Variants in PLXNA4 observed in about 807,000 individuals in gnomAD.
The protein encoded by PLXNA4 is plexin A4.
PLXNA4 carries 44 observed loss-of-function variants against 191.8 expected under a neutral mutation model. The observed-to-expected ratio is 0.23, with a 90% CI of 0.18 to 0.29. The LOEUF (loss-of-function observed/expected upper bound fraction) is 0.29. Among genes scored for constraint, PLXNA4 ranks in the 10% least tolerant of loss-of-function variants. PLXNA4 has a pLI of 1.00. For missense variants in PLXNA4, 1,800 were observed against 2,488.8 expected, an observed-to-expected ratio of 0.72 and a Z score of 5.89; for synonymous variants, 1,082 against 1,009.5, an observed-to-expected ratio of 1.07 and a Z score of -1.36.
intron 3 of PLXNA4, among the ~76,000 whole-genome samples, chr7:132,307,339 C>T (rs978263029): frequency 2.0e-5 from 3 of 152,118 alleles, no homozygotes; most frequent in African/African-American, 4.8e-5. Flanking sequence ...CTGTGTCCTG[C>T]GTTCATTTAT....
At chr7:132,383,828 A>G (rs1299385339) in intron 3 of PLXNA4, 1 of 985,326 alleles carries the variant, frequency 1.0e-6, no homozygotes, top group Admixed American at 6.1e-5. Flanking sequence ...AAATATTTAC[A>G]CATTGTTTTG....
Position 132,130,565 on chromosome 7 carries a change from G to A in PLXNA4, c.5599C>T (p.Pro1867Ser), listed in dbSNP as rs753346890. The A allele has an allele frequency of 2.5e-6, 4 of 1,614,106 alleles. No homozygotes were observed. In the East Asian group the frequency reaches 8.9e-5, roughly 36 times the overall value. The change falls in exon 32 of 32, where the codon CCT (proline) becomes TCT (serine). Residue 1867 changes from proline (P) to serine (S), a missense_variant. Around this residue, in one of 6 missense-constraint regions of PLXNA4, gnomAD observed 83 missense variants for 81.6 expected, o/e 1.02. Transcript: ENST00000321063. ...CCACACTGGTCATCGTGGTCCAGAGGTCCAAGGATCTGCGGAAGGGCCAAG... is the reference window on the plus strand; with the variant it reads ...CCACACTGGTCATCGTGGTCCAGAGATCCAAGGATCTGCGGAAGGGCCAAG... ...VGKYSEEILG[P>S]LDHDDQCGKQ...
chr7:132,493,335 T>C (rs2117555711), intron 2 of PLXNA4, among the ~76,000 whole-genome samples: 1 of 152,246 alleles, frequency 6.6e-6, no homozygotes, highest in Non-Finnish European at 1.5e-5. Context: ...ATACACAAAA[T>C]GTTTGGCCAT....
At chr7:132,259,120 G>A (rs1799531006) in intron 4 of PLXNA4, among the ~76,000 whole-genome samples, 1 of 152,104 alleles carries the variant, frequency 6.6e-6, no homozygotes, top group Admixed American at 6.5e-5. Context: ...ATCCCTAGCA[G>A]ACAGTATTGA....
intron 12 of PLXNA4, 47 bp from the exon 13 acceptor site, chr7:132,198,683 A>G: frequency 1.9e-6 from 3 of 1,602,906 alleles, no homozygotes; most frequent in Admixed American, 3.4e-5. Context: ...AGATACTGCC[A>G]CTCACTTGCT....
intron 1 of PLXNA4, among the ~76,000 whole-genome samples, chr7:132,516,260 A>G (rs909938724): frequency 2.7e-5 from 4 of 148,248 alleles, no homozygotes; most frequent in African/African-American, 9.9e-5. Flanking sequence ...TTATTTATTT[A>G]TTTGTATTTA....
At chr7:132,227,916 C>T (rs1798384916) in intron 6 of PLXNA4, among the ~76,000 whole-genome samples, 1 of 152,132 alleles carries the variant, frequency 6.6e-6, no homozygotes, top group African/African-American at 2.4e-5. Context: ...TGATGGAGCA[C>T]CTCTTCCATT....
chr7:132,492,792 G>A (rs1231234622), intron 2 of PLXNA4, among the ~76,000 whole-genome samples: 1 of 152,182 alleles, frequency 6.6e-6, no homozygotes, highest in Non-Finnish European at 1.5e-5. Context: ...CTATAGAGCG[G>A]GTAAGCTTAT....
intron 3 of PLXNA4, among the ~76,000 whole-genome samples, chr7:132,432,979 A>G (rs1795325301): frequency 6.6e-6 from 1 of 152,154 alleles, no homozygotes; most frequent in Admixed American, 6.5e-5. Context: ...CACCATTGTA[A>G]GTGTTTCTCA....
At chr7:132,431,769 T>C (rs1795272142) in intron 3 of PLXNA4, among the ~76,000 whole-genome samples, 1 of 152,210 alleles carries the variant, frequency 6.6e-6, no homozygotes, top group African/African-American at 2.4e-5. Flanking sequence ...CAGCGCTCCC[T>C]GGCCATGTGA....
intron 1 of PLXNA4, among the ~76,000 whole-genome samples, chr7:132,540,176 A>T (rs968708065): frequency 6.6e-6 from 1 of 152,154 alleles, no homozygotes; most frequent in Non-Finnish European, 1.5e-5. Context: ...ACACTGATCA[A>T]CCCAGAGTTT....
rs58311131 is a variant in PLXNA4 at position 132,365,360 on chromosome 7, T to TGCGCGCGC, written c.1372-67139_1372-67138insGCGCGCGC. ...GTGTGTGTGTGTGTGTGTGTGTGTGTGCGTGCGCGCGCATGCATGGGGCAA... is the reference window on the plus strand; with the variant it reads ...GTGTGTGTGTGTGTGTGTGTGTGTGTGCGCGCGCGCGTGCGCGCGCATGCATGGGGCAA... On this transcript the variant is annotated intron_variant, in intron 3 of 31. Transcript: ENST00000321063. 3.9e-3 allele frequency among the ~76,000 whole-genome samples: 504 copies of TGCGCGCGC among 128,808 alleles called. 2 individuals are homozygous for TGCGCGCGC. Among genetic ancestry groups the TGCGCGCGC allele is most frequent in the South Asian group, 0.018 (74 of 4,114 alleles). The allele number at this position is 128,808 out of a possible 152,430, so 84.5% of individuals were successfully genotyped here. A position where few individuals can be genotyped will look rare whatever the true frequency, so the allele number is the denominator to read the frequency against.
chr7:132,392,275 A>T (rs1261762272), intron 3 of PLXNA4, among the ~76,000 whole-genome samples: 1 of 152,226 alleles, frequency 6.6e-6, no homozygotes, highest in African/African-American at 2.4e-5. Flanking sequence ...ATAAATATTT[A>T]TTACATTAAC....
intron 4 of PLXNA4, among the ~76,000 whole-genome samples, chr7:132,252,348 G>A (rs1420570650): frequency 9.3e-6 from 1 of 107,912 alleles, no homozygotes; most frequent in Non-Finnish European, 1.7e-5. Flanking sequence ...GTCTCACTCT[G>A]TTGCCCAGGC....
At chr7:132,154,407 C>G (rs776696875) in intron 25 of PLXNA4, among the ~76,000 whole-genome samples, 46 of 82,448 alleles carry the variant, frequency 5.6e-4, no homozygotes, top group Non-Finnish European at 1.1e-3. Context: ...CATCTAAAAA[C>G]GTTCTGTTTT....
At chr7:132,282,600 C>A (rs1390564961) in intron 4 of PLXNA4, among the ~76,000 whole-genome samples, 1 of 98,108 alleles carries the variant, frequency 1.0e-5, no homozygotes, top group Non-Finnish European at 1.9e-5. Context: ...TAGAGCCAGA[C>A]CTTGTCTCAG....
chr7:132,294,276 C>G (rs1005771177), intron 4 of PLXNA4, among the ~76,000 whole-genome samples: 7 of 152,138 alleles, frequency 4.6e-5, no homozygotes, highest in Non-Finnish European at 1.0e-4. Flanking sequence ...GAAGCAGGAG[C>G]CTGCCATATT....
In PLXNA4 at chr7:132,391,124, C is replaced by G. The variant is rs1480006311; in HGVS notation, c.1372-92902G>C. Among the ~76,000 whole-genome samples, 3 of 152,164 alleles carry G rather than the reference C, an allele frequency of 2.0e-5. No individual in the cohort carries two copies. In the East Asian group the frequency reaches 5.8e-4, roughly 29 times the overall value. ...AGTTAGCATTAGTGGAAAGGAGAGT[C>G]TGTGCCCAGCCAGGAGGACGGAAGG... On this transcript the variant is annotated intron_variant, in intron 3 of 31. Transcript: ENST00000321063.
At chr7:132,196,526 T>C (rs1460153971) in intron 13 of PLXNA4, among the ~76,000 whole-genome samples, 2 of 152,234 alleles carry the variant, frequency 1.3e-5, no homozygotes, top group Admixed American at 1.3e-4. Context: ...ACTGAGGAAT[T>C]CCCTATTTTT....
Sources: allele counts gnomAD v4.1 joint callset (sites outside exome capture counted in the v4.1 genomes callset), GRCh38; gene constraint gnomAD v4.1.1; regional missense constraint gnomAD v4.1.1; transcripts MANE v1.5; gene names NCBI Gene and HGNC (gene_info 2026-07-23, HGNC 2026-07-21).